The following VPS8 variants were observed in gnomAD, a reference collection of about 807,000 sequenced individuals.
VPS8 encodes VPS8 subunit of CORVET complex, also known as vacuolar protein sorting-associated protein 8 homolog.
In VPS8, 129 loss-of-function variants were observed where a neutral mutation model predicts 216.4. The observed-to-expected ratio is 0.60, with a 90% CI of 0.52 to 0.69. The LOEUF is 0.69. Among genes scored for constraint, VPS8 ranks in the 30% least tolerant of loss-of-function variants. The probability of loss-of-function intolerance (pLI) is 0.00; values close to 1 mark genes in which losing one functional copy is unlikely to be tolerated. For missense variants in VPS8, 1,531 were observed against 1,683.5 expected, an observed-to-expected ratio of 0.91 and a Z score of 1.59; for synonymous variants, 571 against 565.4, an observed-to-expected ratio of 1.01 and a Z score of -0.14.
chr3:184,903,592 C>T (rs1185562123), intron 25 of VPS8, among the ~76,000 whole-genome samples: 1 of 151,934 alleles, frequency 6.6e-6, no homozygotes, highest in Non-Finnish European at 1.5e-5. Context: ...GCTGGGACTA[C>T]AGGCCACCAT....
At chr3:184,912,063 T>G (rs1736639952) in intron 25 of VPS8, among the ~76,000 whole-genome samples, 2 of 152,182 alleles carry the variant, frequency 1.3e-5, no homozygotes, top group Middle Eastern at 3.2e-3. Context: ...GTCCTTTTAA[T>G]TTTTTTGCAT....
chr3:185,016,041 C>T (rs557185368), intron 45 of VPS8, among the ~76,000 whole-genome samples: 2 of 152,170 alleles, frequency 1.3e-5, no homozygotes, highest in East Asian at 3.8e-4. Flanking sequence ...TCTGCCTCAG[C>T]GTCTTTTGTT....
chr3:185,027,493 C>T (rs892188337), intron 46 of VPS8, among the ~76,000 whole-genome samples: 14 of 152,040 alleles, frequency 9.2e-5, no homozygotes, highest in African/African-American at 3.4e-4. Context: ...CCGCCTGTCT[C>T]AGCCTCCCAA....
intron 22 of VPS8, among the ~76,000 whole-genome samples, chr3:184,891,122 T>TA (rs199645996): frequency 0.025 from 3,764 of 152,002 alleles, 116 homozygotes; most frequent in African/African-American, 0.072. Flanking sequence ...GCAGTTATTT[T>TA]AAAAAAAAGC....
At chr3:185,025,144 T>C (rs1359927509) in intron 46 of VPS8, among the ~76,000 whole-genome samples, 1 of 152,248 alleles carries the variant, frequency 6.6e-6, no homozygotes, top group East Asian at 1.9e-4. Flanking sequence ...GCTACTTCAG[T>C]TCCTGACTGT....
chr3:184,872,721 A>G (rs544268711), intron 21 of VPS8, among the ~76,000 whole-genome samples: 2 of 152,278 alleles, frequency 1.3e-5, no homozygotes, highest in South Asian at 2.1e-4. Flanking sequence ...TTATTTTAAC[A>G]ATCATAATAA....
At chr3:184,830,454 TCACACACA>T (rs3040915) in intron 3 of VPS8, among the ~76,000 whole-genome samples, 1 of 147,682 alleles carries the variant, frequency 6.8e-6, no homozygotes, top group Non-Finnish European at 1.5e-5. Flanking sequence ...GTTTATCAGT[TCACACACA>T]CACACACACA....
At chr3:184,894,248 T>A (rs1732911216) in intron 22 of VPS8, among the ~76,000 whole-genome samples, 1 of 152,086 alleles carries the variant, frequency 6.6e-6, no homozygotes, top group Non-Finnish European at 1.5e-5. Flanking sequence ...GAAGGATAAA[T>A]CATGAGTAGT....
intron 25 of VPS8, among the ~76,000 whole-genome samples, chr3:184,905,731 T>C (rs891166790): frequency 6.6e-6 from 1 of 151,762 alleles, no homozygotes; most frequent in Non-Finnish European, 1.5e-5. Flanking sequence ...AACACCTTAA[T>C]AGAAGAATAG....
chr3:184,962,931 T>A (rs1169295912), intron 37 of VPS8, among the ~76,000 whole-genome samples: 1 of 152,162 alleles, frequency 6.6e-6, no homozygotes, highest in African/African-American at 2.4e-5. Flanking sequence ...GTGGTCCATG[T>A]GGCATTTTAT....
At chr3:185,014,427 G>A (rs1218819179) in intron 45 of VPS8, among the ~76,000 whole-genome samples, 2 of 152,180 alleles carry the variant, frequency 1.3e-5, no homozygotes, top group South Asian at 2.1e-4. Context: ...GGTTTCAGGT[G>A]TCTTGATGGT....
intron 37 of VPS8, among the ~76,000 whole-genome samples, chr3:184,961,393 G>A (rs1746483104): frequency 1.3e-5 from 2 of 152,118 alleles, no homozygotes; most frequent in Non-Finnish European, 2.9e-5. Flanking sequence ...GTTTAATTAT[G>A]AAATATTTCA....
chr3:184,828,301 A>T (rs1368371375), intron 3 of VPS8, among the ~76,000 whole-genome samples: 1 of 152,000 alleles, frequency 6.6e-6, no homozygotes, highest in African/African-American at 2.4e-5. Flanking sequence ...CACCACGCCC[A>T]GCTAATTTTT....
intron 27 of VPS8, 113 bp downstream of exon 27, chr3:184,915,166 G>A: frequency 7.3e-7 from 1 of 1,379,258 alleles, no homozygotes; most frequent in Non-Finnish European, 1.0e-6. Context: ...CCTGTTGCAG[G>A]AGAGAGCTTA....
chr3:185,052,054 C>T lies in VPS8; in HGVS notation c.*29C>T, dbSNP rs1714374113. The stretch of plus-strand genomic sequence containing the variant: ...CTCCATGGAGCCTGGCCCAGGAGAA[C>T]CAGAGATGATCCCGAGGCAGCTGGG... On this transcript the variant is annotated 3_prime_UTR_variant, in exon 48 of 48. Coordinates refer to ENST00000625842, the MANE Select transcript of VPS8 (RefSeq NM_001009921.3). 1 of 1,597,908 alleles carries T rather than the reference C, an allele frequency of 6.3e-7. No individual in the cohort carries two copies. The highest frequency in any genetic ancestry group is 1.1e-5 in the South Asian group (1 of 88,680).
At chr3:184,972,287 T>G (rs1748556407) in intron 40 of VPS8, among the ~76,000 whole-genome samples, 1 of 152,176 alleles carries the variant, frequency 6.6e-6, no homozygotes, top group Non-Finnish European at 1.5e-5. Flanking sequence ...GCTGCAAAAC[T>G]TAAGGTGCAT....
Position 184,897,612 on chromosome 3 carries a change from G to T in VPS8, c.2005-953G>T, listed in dbSNP as rs149118577. ...ATCAGTGAAGAGATGCATGATCATG[G>T]TACTGGCTGAGAGGGGTAGAGAGGG... is the stretch of plus-strand genomic sequence containing the variant. On this transcript the variant is annotated intron_variant, in intron 23 of 47. Coordinates refer to ENST00000625842, the MANE Select transcript of VPS8 (RefSeq NM_001009921.3). Among the ~76,000 whole-genome samples, 38 of 152,220 alleles carry T rather than the reference G, an allele frequency of 2.5e-4. No homozygotes were observed. The East Asian group carries it at 6.2e-3, about 25-fold the overall frequency.
chr3:184,849,061 C>G lies in VPS8; in HGVS notation c.542-10C>G. On this transcript the variant is annotated splice_polypyrimidine_tract_variant and intron_variant, in intron 8 of 47. Coordinates refer to ENST00000625842, the MANE Select transcript of VPS8 (RefSeq NM_001009921.3). ...TTCCTTCACTTGACTTTAAAAACTG[C>G]TTTCTTTAGATCAGAATCAAGCTTT... 6.2e-7 allele frequency: 1 copy of G among 1,612,232 alleles called. No individual in the cohort carries two copies. Among genetic ancestry groups the G allele is most frequent in the Non-Finnish European group, 8.5e-7 (1 of 1,178,708 alleles).
Position 184,929,655 on chromosome 3 carries a change from T to C in VPS8, c.2790T>C (p.Pro930=). The change falls in exon 33 of 48, where the codon CCT becomes CCC. Residue 930 remains proline (P), a synonymous_variant. Coordinates refer to ENST00000625842, the MANE Select transcript of VPS8 (RefSeq NM_001009921.3). ...DKIIDCYLRD[P]LREEEVFNYI... ...TTATTGATTGCTACTTACGTGACCC[T>C]CTGCGAGAGGTGAGTCAAGATACTG... The C allele has an allele frequency of 1.3e-6, 2 of 1,512,984 alleles. No homozygotes were observed. Among genetic ancestry groups the C allele is most frequent in the Non-Finnish European group, 1.8e-6 (2 of 1,125,298 alleles). The allele number at this position is 1,512,984 out of a possible 1,614,324, so 93.7% of individuals were successfully genotyped here.
Sources: gnomAD v4.1 joint callset for allele counts (sites outside exome capture counted in the v4.1 genomes callset) on GRCh38, gnomAD v4.1.1 for gene constraint, MANE v1.5 for transcripts, NCBI Gene and HGNC (gene_info 2026-07-23, HGNC 2026-07-21) for gene names.